The following C16orf89 variants were observed in gnomAD, a reference collection of about 807,000 sequenced individuals.
The protein encoded by C16orf89 is UPF0764 protein C16orf89.
Under a neutral mutation model 41.5 loss-of-function variants are expected in C16orf89, and 57 were observed. The ratio of observed to expected loss-of-function variants is 1.38; its 90% confidence interval spans 1.11 to 1.71. The LOEUF is 1.71. Among genes scored for constraint, C16orf89 ranks in the 40% most tolerant of loss-of-function variants. The pLI, the probability that C16orf89 is intolerant of heterozygous loss-of-function variation, is 0.00. For missense variants in C16orf89, 575 were observed against 445.9 expected (o/e 1.29, Z -2.61); for synonymous variants, 223 against 190.6 (o/e 1.17, Z -1.40).
chr16:5,060,084 T>C (rs1956584165), intron 3 of C16orf89: 1 of 499,542 alleles, frequency 2.0e-6, no homozygotes, highest in Admixed American at 3.6e-5. Context: ...TGCTGTGGCA[T>C]GGGAGGCCAG....
intron 7 of C16orf89, among the ~76,000 whole-genome samples, chr16:5,045,574 G>C (rs1411186350): frequency 2.0e-5 from 3 of 152,106 alleles, no homozygotes; most frequent in Non-Finnish European, 2.9e-5. Flanking sequence ...AGATTTCAAG[G>C]TGCCGAATGA....
At chr16:5,051,206 A>G (rs765611275) in intron 6 of C16orf89, among the ~76,000 whole-genome samples, 1 of 152,228 alleles carries the variant, frequency 6.6e-6, no homozygotes, top group Non-Finnish European at 1.5e-5. Context: ...TAGCCAGAGC[A>G]ATTAAGCAAG....
intron 6 of C16orf89, among the ~76,000 whole-genome samples, chr16:5,054,310 A>T (rs1383768037): frequency 2.0e-5 from 3 of 152,078 alleles, no homozygotes; most frequent in Non-Finnish European, 4.4e-5. Context: ...GAGAGGGGTG[A>T]AGCGACTTAT....
intron 6 of C16orf89, among the ~76,000 whole-genome samples, chr16:5,055,012 C>G (rs78474420): frequency 0.012 from 1,825 of 152,312 alleles, 22 homozygotes; most frequent in Non-Finnish European, 0.017. Context: ...GTTAATGCAG[C>G]TGTAGGGGCC....
intron 1 of C16orf89, among the ~76,000 whole-genome samples, chr16:5,063,226 G>T (rs966273259): frequency 5.3e-5 from 8 of 152,182 alleles, no homozygotes; most frequent in Non-Finnish European, 1.2e-4. Context: ...CTGCAGTCAG[G>T]TAGGAACCTT....
intron 6 of C16orf89, among the ~76,000 whole-genome samples, chr16:5,053,215 C>G (rs111583173): frequency 0.014 from 2,121 of 152,054 alleles, 24 homozygotes; most frequent in African/African-American, 0.043. Flanking sequence ...ACTAAAAATA[C>G]AAAAATTAGC....
chr16:5,043,700 C>G (rs1017831028), downstream of C16orf89: 1 of 152,188 alleles, frequency 6.6e-6, no homozygotes, highest in Admixed American at 6.6e-5. Flanking sequence ...AACAAATAGC[C>G]TTTAAGATAT....
At chr16:5,044,639 C>G (rs567972068) in intron 7 of C16orf89, 161 bp from the exon 8 acceptor site, 4 of 1,368,050 alleles carry the variant, frequency 2.9e-6, no homozygotes, top group African/African-American at 2.9e-5. Flanking sequence ...ATCAGGAGTT[C>G]GAGACCAGCA....
chr16:5,044,778 A>T, intron 7 of C16orf89: 1 of 1,144,934 alleles, frequency 8.7e-7, no homozygotes, highest in Non-Finnish European at 1.2e-6. Flanking sequence ...CAGGAGGCAA[A>T]GGTTGCAGTG....
intron 4 of C16orf89, among the ~76,000 whole-genome samples, chr16:5,057,267 CATATATATATGTATATATATATGTGTAT>C (rs1304963630): frequency 3.0e-5 from 4 of 134,500 alleles, no homozygotes; most frequent in East Asian, 2.3e-4. Context: ...AAGAAATATA[CATATATATATGTATATATATATGTGTAT>C]ATATATATAT....
chr16:5,052,696 A>G (rs1956420161), intron 6 of C16orf89, among the ~76,000 whole-genome samples: 1 of 152,234 alleles, frequency 6.6e-6, no homozygotes, highest in East Asian at 1.9e-4. Flanking sequence ...AAATTAGTAC[A>G]GACATTATGG....
At chr16:5,063,527 G>A (rs888850043) in intron 1 of C16orf89, among the ~76,000 whole-genome samples, 1 of 152,176 alleles carries the variant, frequency 6.6e-6, no homozygotes, top group Non-Finnish European at 1.5e-5. Flanking sequence ...GTGGGTGAGC[G>A]AGCTAAGCTG....
intron 5 of C16orf89, chr16:5,055,772 C>T (rs1408635701): frequency 1.3e-6 from 2 of 1,511,510 alleles, no homozygotes; most frequent in Middle Eastern, 1.8e-4. Flanking sequence ...ATACAGGATG[C>T]CCAGTTACAT....
chr16:5,059,673 A>G (rs1469535154), intron 3 of C16orf89, among the ~76,000 whole-genome samples: 3 of 152,084 alleles, frequency 2.0e-5, no homozygotes, highest in Non-Finnish European at 2.9e-5. Flanking sequence ...ACCAAACACC[A>G]GGATAAAATG....
rs771033389 is a variant in C16orf89 at position 5,044,386 on chromosome 16, GCT to G, written c.1046_1047del (p.Glu349AlafsTer51). On this transcript the variant is annotated frameshift_variant, in exon 8 of 8. Transcript: ENST00000472572. LOFTEE classifies it low-confidence loss of function (END_TRUNC). ...ILAEYPPANR[E>X]PHPSTPPPPS... The stretch of plus-strand genomic sequence containing the variant: ...GGTGGTGGCGGTGTGGATGGGTGTG[GCT>G]CTCTGTTTGCTGGGGGGTATTCTGC... 6 of 1,611,822 alleles carry G rather than the reference GCT, an allele frequency of 3.7e-6. No homozygotes were observed. The Admixed American group carries it at 8.4e-5, about 22-fold the overall frequency.
chr16:5,064,006 A>G (rs1185396562), intron 1 of C16orf89, among the ~76,000 whole-genome samples: 1 of 152,152 alleles, frequency 6.6e-6, no homozygotes. Flanking sequence ...GGGTACCTGT[A>G]GTCCCAGCTA....
chr16:5,056,964 G>A (rs1021746254), intron 4 of C16orf89, among the ~76,000 whole-genome samples: 1 of 152,064 alleles, frequency 6.6e-6, no homozygotes, highest in African/African-American at 2.4e-5. Flanking sequence ...ATATGGCCAG[G>A]CACAGTGGCT....
rs1480568815 is a variant in C16orf89, at chr16:5,058,443, C to G, written c.627+50G>C. On this transcript the variant is annotated intron_variant, in intron 4 of 7. Transcript: ENST00000472572. The stretch of plus-strand genomic sequence containing the variant: ...CCACCACGTCCGGCTGCCCCTTTTC[C>G]TTTTTCCTTCCCCTTCCCCTGGCAC... The G allele has an allele frequency of 2.6e-6, 4 of 1,509,732 alleles. No homozygotes were observed. In the Admixed American group the frequency reaches 6.8e-5, roughly 26 times the overall value. The allele number at this position is 1,509,732 out of a possible 1,614,324, so 93.5% of individuals were successfully genotyped here.
At chr16:5,049,130 A>G (rs1956354380) in intron 6 of C16orf89, among the ~76,000 whole-genome samples, 2 of 152,258 alleles carry the variant, frequency 1.3e-5, no homozygotes, top group Admixed American at 6.5e-5. Context: ...AGGTCATTAT[A>G]TAATGATAAG....
Sources: allele counts gnomAD v4.1 joint callset (sites outside exome capture counted in the v4.1 genomes callset), GRCh38; gene constraint gnomAD v4.1.1; transcripts MANE v1.5; gene names NCBI Gene and HGNC (gene_info 2026-07-23, HGNC 2026-07-21).